The following TOX variants were observed in gnomAD, a reference collection of about 807,000 sequenced individuals.
TOX encodes thymocyte selection associated high mobility group box, also known as thymocyte selection-associated high mobility group box protein TOX.
A neutral mutation model predicts 53.7 loss-of-function variants in TOX; 11 were observed. The observed-to-expected ratio is 0.20, with a 90% CI of 0.13 to 0.34. The LOEUF is 0.34. TOX is among the 10% of genes least tolerant of loss of function. The pLI, the probability that TOX is intolerant of heterozygous loss-of-function variation, is 1.00. For synonymous variants in TOX, 225 were observed against 245.3 expected (o/e 0.92, Z 0.77); for missense variants, 570 against 664.6 (o/e 0.86, Z 1.56).
At chr8:58,971,889 C>G (rs575777364) in intron 1 of TOX, among the ~76,000 whole-genome samples, 1 of 152,166 alleles carries the variant, frequency 6.6e-6, no homozygotes, top group South Asian at 2.1e-4. Context: ...TGGGATTTCA[C>G]CATAATGGCC....
chr8:58,854,716 T>C (rs1336584600), intron 3 of TOX, among the ~76,000 whole-genome samples: 1 of 152,124 alleles, frequency 6.6e-6, no homozygotes, highest in African/African-American at 2.4e-5. Context: ...GTGTGGAGCA[T>C]GGCAAGCACA....
chr8:59,001,816 AAAC>A (rs1421155185), intron 1 of TOX, among the ~76,000 whole-genome samples: 2 of 152,170 alleles, frequency 1.3e-5, no homozygotes, highest in African/African-American at 4.8e-5. Context: ...ACAAAGAAAA[AAAC>A]AAATCAAAAG....
intron 1 of TOX, among the ~76,000 whole-genome samples, chr8:59,103,125 A>G (rs970232284): frequency 6.6e-6 from 1 of 152,174 alleles, no homozygotes; most frequent in Admixed American, 6.5e-5. Flanking sequence ...CTCCCTACAA[A>G]GCATAACGTA....
chr8:58,805,498 C>A lies in TOX; in HGVS notation c.*2249G>T, dbSNP rs1809958796. On this transcript the variant is annotated 3_prime_UTR_variant, in exon 9 of 9. Coordinates refer to ENST00000361421, the MANE Select transcript of TOX (RefSeq NM_014729.3). ...TACTGTATTTGGTATTGAATTTCAA[C>A]ACTCTCTACCCTGGTCGCACAGCTG... 6.6e-6 allele frequency: 1 copy of A among 152,562 alleles called. No homozygotes were observed. The highest frequency in any genetic ancestry group is 1.5e-5 in the Non-Finnish European group (1 of 68,030). 9.5% of individuals were successfully genotyped at this position (152,562 alleles called of 1,614,324 possible).
chr8:58,809,459 A>C (rs990703095), intron 7 of TOX, among the ~76,000 whole-genome samples: 4 of 152,156 alleles, frequency 2.6e-5, no homozygotes, highest in African/African-American at 9.7e-5. Flanking sequence ...ATTCAGTTTT[A>C]GATATTAAGT....
At chr8:59,048,556 G>T (rs1023390564) in intron 1 of TOX, among the ~76,000 whole-genome samples, 62 of 152,152 alleles carry the variant, frequency 4.1e-4, no homozygotes, top group Admixed American at 2.9e-3. Flanking sequence ...CAAAAAGAAG[G>T]CAACAGAGGA....
chr8:59,062,938 C>G (rs1804013534), intron 1 of TOX, among the ~76,000 whole-genome samples: 1 of 152,010 alleles, frequency 6.6e-6, no homozygotes, highest in South Asian at 2.1e-4. Context: ...AATTTAATAC[C>G]TTTAACAAGG....
intron 1 of TOX, among the ~76,000 whole-genome samples, chr8:59,111,741 T>C (rs1359638005): frequency 3.3e-5 from 5 of 152,204 alleles, no homozygotes; most frequent in Admixed American, 6.5e-5. Flanking sequence ...TAAGACCACA[T>C]GGCACCCAAA....
chr8:58,949,683 A>G (rs1173260335), intron 2 of TOX, among the ~76,000 whole-genome samples: 1 of 152,154 alleles, frequency 6.6e-6, no homozygotes, highest in Non-Finnish European at 1.5e-5. Flanking sequence ...AATCATGTGC[A>G]GCCTTTAAGT....
At chr8:58,913,289 C>A (rs1341957440) in intron 3 of TOX, among the ~76,000 whole-genome samples, 1 of 152,074 alleles carries the variant, frequency 6.6e-6, no homozygotes, top group Non-Finnish European at 1.5e-5. Flanking sequence ...GCACTCCAGC[C>A]TGGGTGACAG....
chr8:58,831,640 T>G (rs1810455759), intron 5 of TOX, among the ~76,000 whole-genome samples: 1 of 152,198 alleles, frequency 6.6e-6, no homozygotes, highest in Non-Finnish European at 1.5e-5. Flanking sequence ...GTCCTAGCCA[T>G]GAGAACTCCT....
intron 1 of TOX, among the ~76,000 whole-genome samples, chr8:59,084,520 G>C (rs1273640237): frequency 7.9e-5 from 12 of 152,124 alleles, no homozygotes; most frequent in African/African-American, 2.9e-4. Context: ...ATGCATTCTC[G>C]ATATCTTTTA....
At chr8:59,007,562 T>A (rs1204968345) in intron 1 of TOX, among the ~76,000 whole-genome samples, 1 of 152,232 alleles carries the variant, frequency 6.6e-6, no homozygotes, top group Non-Finnish European at 1.5e-5. Context: ...TAATGGTATC[T>A]GAGTAACTTG....
At chr8:58,879,179 C>T (rs762260667) in intron 3 of TOX, among the ~76,000 whole-genome samples, 4 of 152,150 alleles carry the variant, frequency 2.6e-5, no homozygotes, top group South Asian at 4.2e-4. Flanking sequence ...TGTGCAAAGG[C>T]CTCCAATTAG....
At chr8:59,087,839 T>G (rs2129423589) in intron 1 of TOX, among the ~76,000 whole-genome samples, 1 of 152,350 alleles carries the variant, frequency 6.6e-6, no homozygotes, top group South Asian at 2.1e-4. Flanking sequence ...AGCCAGGATC[T>G]AATTTTGCCA....
chr8:59,096,001 T>C (rs1364477143), intron 1 of TOX, among the ~76,000 whole-genome samples: 1 of 152,172 alleles, frequency 6.6e-6, no homozygotes, highest in Non-Finnish European at 1.5e-5. Flanking sequence ...AGCCGTGAAA[T>C]GGAAATCCAA....
At chr8:58,827,058 C>T (rs1810377852) in intron 5 of TOX, among the ~76,000 whole-genome samples, 156 bp from the exon 6 acceptor site, 1 of 151,482 alleles carries the variant, frequency 6.6e-6, no homozygotes. Flanking sequence ...CTTACTGAAA[C>T]AGATTTTTAA....
In TOX at chr8:59,029,975, T is replaced by C. The variant is rs533177472; in HGVS notation, c.103-69967A>G. Among the ~76,000 whole-genome samples, 9 of 152,310 alleles carry C rather than the reference T, an allele frequency of 5.9e-5. No individual in the cohort carries two copies. In the East Asian group the frequency reaches 1.7e-3, roughly 29 times the overall value. ...CACAGGGTTTCTCTCATCTTCTGAT[T>C]GCAGGAAAATGGAGGTAACTTGCAA... On this transcript the variant is annotated intron_variant, in intron 1 of 8. Coordinates refer to ENST00000361421, the MANE Select transcript of TOX (RefSeq NM_014729.3).
At chr8:58,967,099 C>T (rs2129179250) in intron 1 of TOX, among the ~76,000 whole-genome samples, 1 of 152,190 alleles carries the variant, frequency 6.6e-6, no homozygotes, top group African/African-American at 2.4e-5. Context: ...TGGTCTCCAT[C>T]TCCTGACCTC....
Sources: gnomAD v4.1 joint callset for allele counts (sites outside exome capture counted in the v4.1 genomes callset) on GRCh38, gnomAD v4.1.1 for gene constraint, MANE v1.5 for transcripts, NCBI Gene and HGNC (gene_info 2026-07-23, HGNC 2026-07-21) for gene names.